Variants in MAP3K15 observed in about 807,000 individuals in gnomAD.
MAP3K15 encodes mitogen-activated protein kinase kinase kinase 15, also known as MAPK/ERK kinase kinase 15.
In MAP3K15, 124 loss-of-function variants were observed where a neutral mutation model predicts 99.5. The ratio of observed to expected loss-of-function variants is 1.25; its 90% CI spans 1.08 to 1.45. The LOEUF (loss-of-function observed/expected upper bound fraction) is 1.45, where lower values mean the gene tolerates loss of function less well. Among genes scored for constraint, MAP3K15 ranks in the 40% most tolerant of loss-of-function variants. The pLI, the probability that MAP3K15 is intolerant of heterozygous loss-of-function variation, is 0.00. For synonymous variants in MAP3K15, 494 were observed against 439.6 expected, an observed-to-expected ratio of 1.12 and a Z score of -1.55; for missense variants, 1,242 against 1,079.7, an observed-to-expected ratio of 1.15 and a Z score of -2.11.
chrX:19,431,546 C>T lies in MAP3K15; in HGVS notation c.1058G>A (p.Cys353Tyr). Reference sequence around the variant, plus strand: ...GAACATGTCGGGGCCCGGGTGATCACAGCTCTGCAGAACCTGGAGCATGAT... The same window carrying T: ...GAACATGTCGGGGCCCGGGTGATCATAGCTCTGCAGAACCTGGAGCATGAT... ...LQIMLQVLQS[C>Y]DHPGPDMFCL... The change falls in exon 7 of 29, where the codon TGT becomes TAT. Residue 353 changes from cysteine to tyrosine, a missense_variant. Transcript: ENST00000338883. The T allele has an allele frequency of 8.3e-7, 1 of 1,199,968 alleles. No individual in the cohort carries two copies. The highest frequency in any genetic ancestry group is 3.0e-5 in the East Asian group (1 of 33,837).
intron 3 of MAP3K15, among the ~76,000 whole-genome samples, chrX:19,472,478 T>C (rs759170407): frequency 9.0e-6 from 1 of 110,977 alleles, no homozygotes; most frequent in South Asian, 3.8e-4. Context: ...TATACAGAAA[T>C]GTAATACATT....
Position 19,438,299 on chromosome X carries a change from G to T in MAP3K15, c.996-6691C>A, listed in dbSNP as rs1301596956. On this transcript the variant is annotated intron_variant, in intron 6 of 28. Coordinates refer to ENST00000338883, the MANE Select transcript of MAP3K15 (RefSeq NM_001001671.4). ...TTATTTATTTATTTGGTAGAGATGGGGTCTCACTATGTGGCCCAGGCTGAT... is the reference window on the plus strand; with the variant it reads ...TTATTTATTTATTTGGTAGAGATGGTGTCTCACTATGTGGCCCAGGCTGAT... 2.7e-4 allele frequency among the ~76,000 whole-genome samples: 30 copies of T among 110,753 alleles called. No homozygotes were observed. The Admixed American group carries it at 2.9e-3, about 11-fold the overall frequency.
rs34487219 is a variant in MAP3K15 at position 19,362,857 on chromosome X, TAA to T, written c.3567-9_3567-8del. 22,700 of 726,715 alleles carry T rather than the reference TAA, an allele frequency of 0.031. No individual in the cohort carries two copies. The highest frequency in any genetic ancestry group is 0.077 in the African/African-American group (2,939 of 38,040). 59.9% of individuals were successfully genotyped at this position (726,715 alleles called of 1,213,427 possible). ...AACTAGGTGTTCCAAAAGTCTGGTT[TAA>T]AAAAAAAAAAAAAAAGCCATTATCC... On this transcript the variant is annotated splice_region_variant and splice_polypyrimidine_tract_variant and intron_variant, in intron 25 of 28. Transcript: ENST00000338883.
At chrX:19,416,072 T>C (rs902549540) in intron 9 of MAP3K15, among the ~76,000 whole-genome samples, 1 of 111,895 alleles carries the variant, frequency 8.9e-6, no homozygotes, top group Non-Finnish European at 1.9e-5. Flanking sequence ...GGCTCACACC[T>C]GTAATCCCAG....
chrX:19,511,705 T>C (rs1468226780), intron 1 of MAP3K15, among the ~76,000 whole-genome samples: 1 of 112,026 alleles, frequency 8.9e-6, no homozygotes, highest in Admixed American at 9.4e-5. Flanking sequence ...TAGGAATGCT[T>C]TTACACTGTT....
intron 14 of MAP3K15, among the ~76,000 whole-genome samples, chrX:19,399,739 CAAAAAAA>C (rs777947449): frequency 8.5e-5 from 3 of 35,500 alleles, no homozygotes; most frequent in African/African-American, 1.3e-4. Flanking sequence ...ACTCTGTTTC[CAAAAAAA>C]AAAAAAAAAA....
chrX:19,480,563 C>G (rs2064281247), intron 3 of MAP3K15, among the ~76,000 whole-genome samples: 1 of 106,369 alleles, frequency 9.4e-6, no homozygotes, highest in Non-Finnish European at 1.9e-5. Flanking sequence ...GCCTGTAATT[C>G]CAGCACTTTT....
intron 6 of MAP3K15, among the ~76,000 whole-genome samples, chrX:19,451,137 T>A (rs1402679440): frequency 9.3e-6 from 1 of 107,463 alleles, no homozygotes; most frequent in Non-Finnish European, 2.0e-5. Context: ...AATACAAAAA[T>A]TAGCTGGCGT....
intron 11 of MAP3K15, among the ~76,000 whole-genome samples, chrX:19,412,192 A>G (rs2063694295): frequency 8.9e-6 from 1 of 112,033 alleles, no homozygotes; most frequent in Admixed American, 9.5e-5. Flanking sequence ...GACTTCCCCA[A>G]TGGCAGGTCT....
chrX:19,470,170 G>A lies in MAP3K15; in HGVS notation c.526-5764C>T, dbSNP rs955730775. On this transcript the variant is annotated intron_variant, in intron 3 of 28. Coordinates refer to ENST00000338883, the MANE Select transcript of MAP3K15 (RefSeq NM_001001671.4). The stretch of plus-strand genomic sequence containing the variant: ...CCAAGCCAAATGTCCAACAACGATA[G>A]ACTGGACTAAGAAAATGTGGCACAT... Among the ~76,000 whole-genome samples the A allele has an allele frequency of 4.5e-5, 5 of 111,800 alleles. No individual in the cohort carries two copies. The Admixed American group carries it at 4.8e-4, about 11-fold the overall frequency.
chrX:19,367,623 T>A (rs1240681352), intron 25 of MAP3K15, among the ~76,000 whole-genome samples: 2 of 105,734 alleles, frequency 1.9e-5, no homozygotes, highest in African/African-American at 6.8e-5. Flanking sequence ...AACTGGCCCC[T>A]TGTCTCCCGG....
In MAP3K15 at chrX:19,400,562, C is replaced by A; in HGVS notation, c.1932+14G>T. On this transcript the variant is annotated intron_variant, in intron 14 of 28. Transcript: ENST00000338883. ...AATCAATGTTTTCCATATTCTAGAT[C>A]GTCCATGACTCACCTCCAAGGTGTC... 2 of 1,132,547 alleles carry A rather than the reference C, an allele frequency of 1.8e-6. No individual in the cohort carries two copies. Among genetic ancestry groups the A allele is most frequent in the South Asian group, 1.9e-5 (1 of 53,060 alleles). The allele number at this position is 1,132,547 out of a possible 1,213,427, so 93.3% of individuals were successfully genotyped here. A position where few individuals can be genotyped will look rare whatever the true frequency, so the allele number is the denominator to read the frequency against.
intron 1 of MAP3K15, among the ~76,000 whole-genome samples, chrX:19,507,828 C>A (rs1239010079): frequency 1.8e-5 from 2 of 110,381 alleles, no homozygotes; most frequent in East Asian, 5.7e-4. Context: ...CTCTAAAAAA[C>A]TATTTTAAAA....
chrX:19,379,021 A>G (rs1043597182), intron 19 of MAP3K15, among the ~76,000 whole-genome samples: 2 of 111,678 alleles, frequency 1.8e-5, no homozygotes, highest in Non-Finnish European at 3.8e-5. Flanking sequence ...ACCCACTGTA[A>G]GAGCAAACAT....
At chrX:19,435,873 G>A (rs1292974754) in intron 6 of MAP3K15, among the ~76,000 whole-genome samples, 1 of 112,622 alleles carries the variant, frequency 8.9e-6, no homozygotes, top group Non-Finnish European at 1.9e-5. Flanking sequence ...CACCTGGGAG[G>A]CTGGGCGTGG....
At position 19,426,825 on chromosome X, in the gene MAP3K15, A is replaced by AC. The variant is rs1188839354; in HGVS notation, c.1167-483_1167-482insG. On this transcript the variant is annotated intron_variant, in intron 7 of 28. Transcript: ENST00000338883. ...AGAGCGAGAATCTGTCTCCAAAAAA[A>AC]AAAAAAAAAAAAAAAAAAGTCATAA... 2.2e-3 allele frequency among the ~76,000 whole-genome samples: 219 copies of AC among 101,303 alleles called. 4 individuals carry two copies. Among genetic ancestry groups the AC allele is most frequent in the African/African-American group, 8.5e-3 (210 of 24,844 alleles). The allele number at this position is 101,303 out of a possible 115,157, so 88.0% of individuals were successfully genotyped here. A position where few individuals can be genotyped will look rare whatever the true frequency, so the allele number is the denominator to read the frequency against.
At chrX:19,486,808 A>G (rs2064329445) in intron 2 of MAP3K15, among the ~76,000 whole-genome samples, 2 of 111,272 alleles carry the variant, frequency 1.8e-5, no homozygotes, top group Admixed American at 1.9e-4. Flanking sequence ...TTTTGCCCAA[A>G]AGATATTTTG....
chrX:19,383,847 G>A (rs146804056), intron 18 of MAP3K15, among the ~76,000 whole-genome samples: 1,159 of 111,630 alleles, frequency 0.01, 18 homozygotes, highest in African/African-American at 0.036. Flanking sequence ...AAATGCGGGC[G>A]AGGATGTGGA....
chrX:19,486,315 C>T (rs377529541), intron 3 of MAP3K15, among the ~76,000 whole-genome samples, 167 bp downstream of exon 3: 17 of 111,807 alleles, frequency 1.5e-4, no homozygotes, highest in East Asian at 5.7e-4. Flanking sequence ...GGCCTGGGGC[C>T]GGCCGGTTGA....
Sources: gnomAD v4.1 joint callset for allele counts (sites outside exome capture counted in the v4.1 genomes callset) on GRCh38, gnomAD v4.1.1 for gene constraint, MANE v1.5 for transcripts, NCBI Gene and HGNC (gene_info 2026-07-23, HGNC 2026-07-21) for gene names.